CNTN3: variants seen among roughly 807,000 people sequenced by gnomAD.
CNTN3 encodes contactin-3.
CNTN3 carries 60 observed loss-of-function variants against 119.1 expected under a neutral mutation model. That is an observed-to-expected ratio of 0.50 (90% CI 0.41 to 0.62). The LOEUF is 0.62. CNTN3 is among the 20% of genes least tolerant of loss of function. CNTN3 has a pLI of 0.00. For synonymous variants in CNTN3, 450 were observed against 438.7 expected (o/e 1.03, Z -0.32); for missense variants, 1,101 against 1,242.4 (o/e 0.89, Z 1.71).
chr3:74,314,856 C>G (rs886573836), intron 13 of CNTN3, among the ~76,000 whole-genome samples: 5 of 152,148 alleles, frequency 3.3e-5, no homozygotes, highest in African/African-American at 1.2e-4. Flanking sequence ...GCGTTTGAAT[C>G]AGAGTGACTC....
chr3:74,558,347 A>G lies in CNTN3; in HGVS notation c.-80-37155T>C, dbSNP rs72885317. Among the ~76,000 whole-genome samples, 44 of 152,338 alleles carry G rather than the reference A, an allele frequency of 2.9e-4. 1 individual carries two copies. The highest frequency in any genetic ancestry group is 1.0e-3 in the African/African-American group (43 of 41,590). ...CTTCGTATATGCAGATCTCTGTCTC[A>G]GAGTCCATTTCCCAAAGAATGCAAT... On this transcript the variant is annotated intron_variant, in intron 1 of 22. Transcript: ENST00000263665.
At chr3:74,472,238 A>G (rs1702578608) in intron 4 of CNTN3, among the ~76,000 whole-genome samples, 1 of 152,228 alleles carries the variant, frequency 6.6e-6, no homozygotes, top group Admixed American at 6.6e-5. Flanking sequence ...AACAGATGGA[A>G]ACTCATCTCA....
In CNTN3 at chr3:74,365,624, C is replaced by T. The variant is rs1168903324; in HGVS notation, c.1025G>A (p.Ser342Asn). The change falls in exon 9 of 23, where the codon AGC becomes AAC. Residue 342 changes from serine (S) to asparagine (N), a missense_variant. Transcript: ENST00000263665. ...TCGGTAGGAAGGCTTGGGCTTGCCG[C>T]TTGCCCTGCATTCCCAATAAAGACT... ...EDSLYWECRASGKPKPSYRWL... is the reference protein window; with the variant it reads ...EDSLYWECRANGKPKPSYRWL... 4 of 1,613,586 alleles carry T rather than the reference C, an allele frequency of 2.5e-6. No homozygotes were observed. Among genetic ancestry groups the T allele is most frequent in the South Asian group, 1.1e-5 (1 of 91,060 alleles).
At chr3:74,398,722 G>C (rs1705116025) in intron 5 of CNTN3, among the ~76,000 whole-genome samples, 1 of 152,180 alleles carries the variant, frequency 6.6e-6, no homozygotes. Context: ...GAGTTTCAAT[G>C]ATGAGAAGTC....
intron 2 of CNTN3, 99 bp from the exon 3 acceptor site, chr3:74,499,884 G>C: frequency 8.4e-7 from 1 of 1,190,864 alleles, no homozygotes; most frequent in South Asian, 1.7e-5. Context: ...AAAAATTCTA[G>C]TACTGCTCCA....
At chr3:74,494,540 TCACCTCAAGGCAATTTGTCTTTA>T in intron 3 of CNTN3, among the ~76,000 whole-genome samples, 1 of 152,056 alleles carries the variant, frequency 6.6e-6, no homozygotes, top group Non-Finnish European at 1.5e-5. Flanking sequence ...GCCATCTTTG[TCACCTCAAGGCAATTTGTCTTTA>T]AATGGAGCCA....
intron 5 of CNTN3, among the ~76,000 whole-genome samples, chr3:74,407,739 C>T (rs1036013875): frequency 1.3e-5 from 2 of 151,914 alleles, no homozygotes; most frequent in African/African-American, 4.8e-5. Context: ...TGCAATATAT[C>T]AATGTAGCAA....
chr3:74,545,376 CTG>C (rs1419201868), intron 1 of CNTN3, among the ~76,000 whole-genome samples: 4 of 152,164 alleles, frequency 2.6e-5, no homozygotes, highest in Non-Finnish European at 4.4e-5. Context: ...CGTTAAGACT[CTG>C]TGAAAACTAT....
intron 4 of CNTN3, among the ~76,000 whole-genome samples, chr3:74,445,500 A>G (rs1005868691): frequency 1.3e-5 from 2 of 152,076 alleles, no homozygotes; most frequent in East Asian, 1.9e-4. Context: ...CTGACCTCAA[A>G]TGATCCATGT....
chr3:74,561,469 C>T (rs1279699993), intron 1 of CNTN3, among the ~76,000 whole-genome samples: 2 of 152,124 alleles, frequency 1.3e-5, no homozygotes, highest in Non-Finnish European at 2.9e-5. Context: ...TCTTCATATG[C>T]GTCAAGTTTA....
intron 5 of CNTN3, among the ~76,000 whole-genome samples, chr3:74,382,359 C>T (rs1456619107): frequency 6.6e-6 from 1 of 152,110 alleles, no homozygotes; most frequent in East Asian, 1.9e-4. Context: ...ACATACTTAT[C>T]CTTATTTTGT....
At chr3:74,598,861 G>A (rs528387712) in intron 1 of CNTN3, among the ~76,000 whole-genome samples, 23 of 151,954 alleles carry the variant, frequency 1.5e-4, no homozygotes, top group African/African-American at 3.4e-4. Flanking sequence ...GAGAAATTTC[G>A]CAGTTTAGAT....
chr3:74,329,401 C>T (rs1454852001), intron 13 of CNTN3, among the ~76,000 whole-genome samples: 1 of 152,126 alleles, frequency 6.6e-6, no homozygotes, highest in Non-Finnish European at 1.5e-5. Flanking sequence ...AAGCTGTACA[C>T]CTTGGCTCTA....
intron 1 of CNTN3, among the ~76,000 whole-genome samples, chr3:74,535,976 G>A (rs555634206): frequency 4.7e-4 from 72 of 152,074 alleles, no homozygotes; most frequent in African/African-American, 1.6e-3. Context: ...GCAACACTAC[G>A]TATTAGAAAC....
intron 1 of CNTN3, among the ~76,000 whole-genome samples, chr3:74,536,167 G>A (rs1703762278): frequency 6.6e-6 from 1 of 151,954 alleles, no homozygotes; most frequent in African/African-American, 2.4e-5. Flanking sequence ...ATTCATCCCT[G>A]AATGAGCTCC....
In CNTN3 at chr3:74,305,406, A is replaced by T. The variant is rs189652930; in HGVS notation, c.1669-2599T>A. On this transcript the variant is annotated intron_variant, in intron 13 of 22. Transcript: ENST00000263665. ...TGACCCATCAATTCCATTCCTAAGT[A>T]TATGCCCTACAGAATGGCATGCAGC... 3.6e-3 allele frequency among the ~76,000 whole-genome samples: 543 copies of T among 152,286 alleles called. 1 individual carries two copies. The highest frequency in any genetic ancestry group is 0.02 in the Middle Eastern group (6 of 294).
At chr3:74,406,523 T>A (rs1306618872) in intron 5 of CNTN3, among the ~76,000 whole-genome samples, 2 of 151,900 alleles carry the variant, frequency 1.3e-5, no homozygotes, top group Non-Finnish European at 2.9e-5. Flanking sequence ...TTGAAAAAAA[T>A]CACACTGAAC....
chr3:74,352,600 C>T (rs1053598670), intron 11 of CNTN3, among the ~76,000 whole-genome samples: 9 of 152,172 alleles, frequency 5.9e-5, no homozygotes, highest in Non-Finnish European at 1.3e-4. Flanking sequence ...TTGACGGCTC[C>T]TTGATGTCTC....
At chr3:74,288,159 C>T (rs200027973) in intron 19 of CNTN3, among the ~76,000 whole-genome samples, 2,957 of 90,000 alleles carry the variant, frequency 0.033, 103 homozygotes, top group East Asian at 0.11. Context: ...CTTTTCTTTT[C>T]TTTTTTTTTT....
Sources: gnomAD v4.1 joint callset for allele counts (sites outside exome capture counted in the v4.1 genomes callset) on GRCh38, gnomAD v4.1.1 for gene constraint, MANE v1.5 for transcripts, NCBI Gene and HGNC (gene_info 2026-07-23, HGNC 2026-07-21) for gene names.